Variants in SEM1 observed in about 807,000 individuals in gnomAD.
SEM1 encodes 26S proteasome complex subunit SEM1.
Under a neutral mutation model 12.7 loss-of-function variants are expected in SEM1, and 3 were observed. The observed-to-expected ratio is 0.24, with a 90% CI of 0.11 to 0.61. SEM1 has a LOEUF of 0.61. Among genes scored for constraint, SEM1 ranks in the 20% least tolerant of loss-of-function variants. SEM1 has a pLI of 0.88. For synonymous variants in SEM1, 30 were observed against 27.8 expected, an observed-to-expected ratio of 1.08 and a Z score of -0.25; for missense variants, 59 against 81.3, an observed-to-expected ratio of 0.73 and a Z score of 1.06.
intron 2 of SEM1, among the ~76,000 whole-genome samples, chr7:96,615,859 A>C (rs1807702656): frequency 6.6e-6 from 1 of 152,222 alleles, no homozygotes; most frequent in Non-Finnish European, 1.5e-5. Flanking sequence ...TATTTCACTT[A>C]GGATAATGGC....
chr7:96,585,958 G>A (rs556666191), intron 2 of SEM1, among the ~76,000 whole-genome samples: 31 of 152,276 alleles, frequency 2.0e-4, no homozygotes, highest in African/African-American at 5.8e-4. Flanking sequence ...GCTGTAGACC[G>A]GAGCTGTTCC....
At chr7:96,566,183 G>A (rs569418789) in intron 2 of SEM1, among the ~76,000 whole-genome samples, 65 of 151,656 alleles carry the variant, frequency 4.3e-4, no homozygotes, top group Non-Finnish European at 6.4e-4. Context: ...ATAATATGCC[G>A]TAAAAAGTAC....
chr7:96,709,475 A>G (rs1458619566), intron 1 of SEM1, among the ~76,000 whole-genome samples: 1 of 152,180 alleles, frequency 6.6e-6, no homozygotes, highest in Non-Finnish European at 1.5e-5. Context: ...GAGGAAGCCG[A>G]AGCCATTGGG....
At chr7:96,622,932 G>A (rs973103045) in intron 2 of SEM1, 1 of 345,030 alleles carries the variant, frequency 2.9e-6, no homozygotes, top group African/African-American at 2.1e-5. Context: ...ATCTGTGATG[G>A]TTAATTTTAT....
chr7:96,483,934 A>G, exon 4 of SEM1: 16 of 1,536,468 alleles, frequency 1.0e-5, no homozygotes, highest in Non-Finnish European at 1.4e-5. Context: ...AACAATCTTC[A>G]CAGTGCACCA....
chr7:96,542,414 T>A (rs1479811867), intron 2 of SEM1, among the ~76,000 whole-genome samples: 4 of 151,878 alleles, frequency 2.6e-5, no homozygotes, highest in African/African-American at 9.7e-5. Flanking sequence ...ATTACTGGTG[T>A]ATAGAAATGC....
At chr7:96,685,555 T>C (rs758908039), downstream of SEM1, among the ~76,000 whole-genome samples, 2 of 152,074 alleles carry the variant, frequency 1.3e-5, no homozygotes, top group Non-Finnish European at 2.9e-5. Context: ...TTGAAGACGT[T>C]TTTTGTTTCG....
intron 2 of SEM1, among the ~76,000 whole-genome samples, chr7:96,691,006 C>T (rs565159080): frequency 1.4e-4 from 22 of 152,218 alleles, no homozygotes; most frequent in African/African-American, 4.3e-4. Flanking sequence ...CTCCTGACCT[C>T]GTGATCCACC....
At chr7:96,646,063 T>G in intron 2 of SEM1, 1 of 395,052 alleles carries the variant, frequency 2.5e-6, no homozygotes, top group Non-Finnish European at 4.5e-6. Flanking sequence ...CCCTCCCTAT[T>G]CCTTTGAGAG....
At chr7:96,490,871 G>T (rs990208337) in intron 1 of SEM1, among the ~76,000 whole-genome samples, 1 of 152,038 alleles carries the variant, frequency 6.6e-6, no homozygotes, top group Non-Finnish European at 1.5e-5. Context: ...GTGGTTTATG[G>T]GGGGTTCTTT....
chr7:96,614,347 G>T (rs1807637145), intron 2 of SEM1, among the ~76,000 whole-genome samples: 1 of 152,040 alleles, frequency 6.6e-6, no homozygotes, highest in East Asian at 1.9e-4. Flanking sequence ...TTATTGTTTT[G>T]TGGTTTTGGT....
Position 96,662,884 on chromosome 7 carries a change from CAT to C in SEM1, c.170+31912_170+31913del, listed in dbSNP as rs200807340. Among the ~76,000 whole-genome samples, 7 of 152,212 alleles carry C rather than the reference CAT, an allele frequency of 4.6e-5. No individual in the cohort carries two copies. In the East Asian group the frequency reaches 1.2e-3, roughly 25 times the overall value. On this transcript the variant is annotated intron_variant, in intron 2 of 2. Transcript: ENST00000417009. Reference sequence around the variant, plus strand: ...ATATAGGAGAATATTTTGTTGAACACATGTTCCTGAACAAGATGTAGAAAGTG... The same window carrying C: ...ATATAGGAGAATATTTTGTTGAACACGTTCCTGAACAAGATGTAGAAAGTG...
chr7:96,659,164 C>T (rs1024846041), intron 2 of SEM1, among the ~76,000 whole-genome samples: 3 of 151,838 alleles, frequency 2.0e-5, no homozygotes, highest in African/African-American at 4.8e-5. Flanking sequence ...ACAGGAAGCA[C>T]ATTAAAATAA....
chr7:96,589,515 C>T (rs983700491), intron 2 of SEM1, among the ~76,000 whole-genome samples: 1 of 152,118 alleles, frequency 6.6e-6, no homozygotes, highest in African/African-American at 2.4e-5. Context: ...CTGTGTGTAA[C>T]TCCATTGTGT....
At chr7:96,702,359 T>C (rs983732343) in intron 1 of SEM1, among the ~76,000 whole-genome samples, 2 of 152,132 alleles carry the variant, frequency 1.3e-5, no homozygotes, top group East Asian at 3.8e-4. Flanking sequence ...GACCCTGCAT[T>C]CTAAATACCA....
At chr7:96,615,704 C>A (rs1487686334) in intron 2 of SEM1, among the ~76,000 whole-genome samples, 1 of 152,180 alleles carries the variant, frequency 6.6e-6, no homozygotes, top group Admixed American at 6.5e-5. Context: ...ACATAGTAAG[C>A]ATTGTATCCA....
chr7:96,506,335 A>T (rs2117283152), intron 3 of SEM1, among the ~76,000 whole-genome samples: 1 of 152,274 alleles, frequency 6.6e-6, no homozygotes, highest in East Asian at 1.9e-4. Flanking sequence ...GGCTTTTAAC[A>T]TTCTAATAAA....
chr7:96,647,935 G>C (rs1439556618), intron 2 of SEM1, among the ~76,000 whole-genome samples: 2 of 152,190 alleles, frequency 1.3e-5, no homozygotes. Flanking sequence ...TTTTGTGCCA[G>C]TGAAATTTTT....
intron 1 of SEM1, among the ~76,000 whole-genome samples, chr7:96,494,121 C>G (rs577920156): frequency 6.6e-6 from 1 of 152,150 alleles, no homozygotes; most frequent in African/African-American, 2.4e-5. Flanking sequence ...AGGAAGAAAT[C>G]TCTCGTAGTG....
Sources: allele counts gnomAD v4.1 joint callset (sites outside exome capture counted in the v4.1 genomes callset), GRCh38; gene constraint gnomAD v4.1.1; transcripts MANE v1.5; gene names NCBI Gene and HGNC (gene_info 2026-07-23, HGNC 2026-07-21).